Variants in MTUS1 observed in about 807,000 individuals in gnomAD.
The protein encoded by MTUS1 is microtubule associated scaffold protein 1, also known as microtubule-associated tumor suppressor 1.
Under a neutral mutation model 120.8 loss-of-function variants are expected in MTUS1, and 109 were observed. The observed-to-expected ratio is 0.90, with a 90% CI of 0.77 to 1.06. The LOEUF is 1.06. Ranked by LOEUF, MTUS1 falls within the 50% of genes least tolerant of loss-of-function variation. The pLI is 0.00. For missense variants in MTUS1, 2,210 were observed against 1,486.3 expected, an observed-to-expected ratio of 1.49 and a Z score of -8.01; for synonymous variants, 737 against 550.5, an observed-to-expected ratio of 1.34 and a Z score of -4.74.
intron 1 of MTUS1, among the ~76,000 whole-genome samples, chr8:17,784,735 C>T (rs11203914): frequency 0.73 from 110,748 of 151,894 alleles, 41,973 homozygotes; most frequent in Non-Finnish European, 0.85. Context: ...TCTCACACCA[C>T]TCTGTCAGCT....
intron 1 of MTUS1, among the ~76,000 whole-genome samples, chr8:17,790,255 G>A (rs757338263): frequency 2.0e-4 from 31 of 151,692 alleles, no homozygotes; most frequent in Non-Finnish European, 3.7e-4. Context: ...GGCTGAGGTA[G>A]GAGAACTGCT....
At chr8:17,721,777 A>T (rs2045863671) in intron 4 of MTUS1, 2 of 1,614,174 alleles carry the variant, frequency 1.2e-6, no homozygotes, top group African/African-American at 2.7e-5. Context: ...CACGACCAGC[A>T]GTGTCAATAA....
chr8:17,697,127 C>G (rs746215292), intron 6 of MTUS1: 84 of 1,157,382 alleles, frequency 7.3e-5, no homozygotes, highest in Admixed American at 4.2e-4. Context: ...TAAATTAAGC[C>G]TCATCTCTCA....
intron 12 of MTUS1, 57 bp downstream of exon 12, chr8:17,653,129 C>G: frequency 2.0e-6 from 2 of 1,018,188 alleles, no homozygotes; most frequent in East Asian, 5.3e-5. Context: ...TTGAATGACT[C>G]TAAAAGGCAA....
chr8:17,755,115 A>C lies in MTUS1; in HGVS notation c.693T>G (p.Pro231=), dbSNP rs1187147561. 6.2e-7 allele frequency: 1 copy of C among 1,613,910 alleles called. No individual in the cohort carries two copies. The highest frequency in any genetic ancestry group is 1.3e-5 in the African/African-American group (1 of 74,926). The part of the protein sequence containing the change: ...TTYDRESFEN[P]QVTPSEAQDM... ...CTTGGGCTTCTGATGGTGTGACTTG[A>C]GGGTTTTCAAAGCTTTCTCTATCAT... The change falls in exon 2 of 15, where the codon CCT becomes CCG. Residue 231 remains proline (P), a synonymous_variant. Coordinates refer to ENST00000693296, the MANE Select transcript of MTUS1 (RefSeq NM_001363059.2).
intron 6 of MTUS1, among the ~76,000 whole-genome samples, chr8:17,712,133 G>T (rs1329640181): frequency 6.6e-6 from 1 of 152,202 alleles, no homozygotes; most frequent in Non-Finnish European, 1.5e-5. Flanking sequence ...ACTGCTGTTG[G>T]AAAAATGATG....
At chr8:17,732,202 A>C (rs887357469) in intron 3 of MTUS1, among the ~76,000 whole-genome samples, 2 of 152,216 alleles carry the variant, frequency 1.3e-5, no homozygotes, top group African/African-American at 4.8e-5. Context: ...GGAGAGGCAG[A>C]AAGAGGACAT....
intron 8 of MTUS1, among the ~76,000 whole-genome samples, chr8:17,667,444 G>A (rs774786040): frequency 1.3e-5 from 2 of 152,116 alleles, no homozygotes; most frequent in South Asian, 2.1e-4. Context: ...AGATAAAAAC[G>A]GAACAGTGAA....
At chr8:17,774,114 T>C (rs1337355660) in intron 1 of MTUS1, among the ~76,000 whole-genome samples, 1 of 152,196 alleles carries the variant, frequency 6.6e-6, no homozygotes, top group Non-Finnish European at 1.5e-5. Context: ...CCTGGAGATT[T>C]ATTTAACTTA....
intron 7 of MTUS1, among the ~76,000 whole-genome samples, chr8:17,680,464 C>CAAA (rs58490523): frequency 0.017 from 415 of 23,924 alleles, 19 homozygotes; most frequent in Non-Finnish European, 0.03. Flanking sequence ...GCCACTGTCG[C>CAAA]AAAAAAAAAA....
rs149086208 is a variant in MTUS1, at chr8:17,661,771, G to T, written c.2906-5706C>A. Among the ~76,000 whole-genome samples the T allele has an allele frequency of 1.8e-3, 280 of 152,262 alleles. 1 individual carries two copies. Among genetic ancestry groups the T allele is most frequent in the African/African-American group, 5.4e-3 (224 of 41,538 alleles). ...GAACAGGAGGTTCACTGCTGTTATT[G>T]TAATAGTCCAAAGCAGCAGGCCCAG... On this transcript the variant is annotated intron_variant, in intron 8 of 14. Transcript: ENST00000693296.
At chr8:17,711,072 C>A (rs148491532) in intron 6 of MTUS1, among the ~76,000 whole-genome samples, 2 of 152,248 alleles carry the variant, frequency 1.3e-5, no homozygotes, top group African/African-American at 4.8e-5. Flanking sequence ...TTTGTTGTTT[C>A]ATTTATAGAG....
intron 3 of MTUS1, among the ~76,000 whole-genome samples, chr8:17,735,881 G>A (rs1244264880): frequency 6.6e-6 from 1 of 152,220 alleles, no homozygotes; most frequent in Non-Finnish European, 1.5e-5. Flanking sequence ...GACATGTAAG[G>A]AAATAATGAG....
intron 1 of MTUS1, among the ~76,000 whole-genome samples, chr8:17,779,785 AG>A (rs1245711935): frequency 5.9e-5 from 9 of 151,976 alleles, no homozygotes; most frequent in Admixed American, 3.3e-4. Flanking sequence ...CAAGTGTTGG[AG>A]GGGGGGCGGG....
rs772673038 is a variant in MTUS1, at chr8:17,715,829, G to C, written c.2522C>G (p.Ser841Cys). ...KPAFQNGSSG[S>C]FYLKPLVSRA... ...GGATACCAAAGGCTTCAAATAAAAGGATCCTGAGGAACCATTCTGAAATGC... is the reference window on the plus strand; with the variant it reads ...GGATACCAAAGGCTTCAAATAAAAGCATCCTGAGGAACCATTCTGAAATGC... The change falls in exon 5 of 15, where the codon TCC (serine) becomes TGC (cysteine). Residue 841 changes from serine to cysteine, a missense_variant. Transcript: ENST00000693296. 2 of 1,614,006 alleles carry C rather than the reference G, an allele frequency of 1.2e-6. No homozygotes were observed. Among genetic ancestry groups the C allele is most frequent in the Non-Finnish European group, 1.7e-6 (2 of 1,179,958 alleles).
intron 1 of MTUS1, among the ~76,000 whole-genome samples, chr8:17,800,424 G>A (rs1307030056): frequency 6.6e-6 from 1 of 152,202 alleles, no homozygotes; most frequent in East Asian, 1.9e-4. Context: ...AACAGAGTAT[G>A]TGTAACTACG....
intron 3 of MTUS1, among the ~76,000 whole-genome samples, chr8:17,734,536 T>A (rs1414577860): frequency 1.3e-5 from 2 of 152,146 alleles, no homozygotes; most frequent in African/African-American, 4.8e-5. Flanking sequence ...ATGCTGTCAG[T>A]ACCTGCCTCT....
chr8:17,653,599 C>T (rs769657629), intron 10 of MTUS1, 101 bp from the exon 11 acceptor site: 21 of 808,950 alleles, frequency 2.6e-5, no homozygotes, highest in East Asian at 5.2e-5. Flanking sequence ...ATGATGAAGC[C>T]GTATGACGTT....
intron 14 of MTUS1, among the ~76,000 whole-genome samples, chr8:17,646,484 A>G (rs1805817589): frequency 6.6e-6 from 1 of 152,178 alleles, no homozygotes. Context: ...GCTACTCAGG[A>G]GGCTGAGGTG....
Sources: gnomAD v4.1 joint callset for allele counts (sites outside exome capture counted in the v4.1 genomes callset) on GRCh38, gnomAD v4.1.1 for gene constraint, MANE v1.5 for transcripts, NCBI Gene and HGNC (gene_info 2026-07-23, HGNC 2026-07-21) for gene names.